The following DMD variants were observed in gnomAD, a reference collection of about 807,000 sequenced individuals.
The protein encoded by DMD is dystrophin, also known as mutant dystrophin.
Under a neutral mutation model 330.1 loss-of-function variants are expected in DMD, and 63 were observed. The ratio of observed to expected loss-of-function variants is 0.19; its 90% CI spans 0.16 to 0.24. DMD has a LOEUF of 0.24. Among genes scored for constraint, DMD ranks in the 10% least tolerant of loss-of-function variants. DMD has a pLI of 1.00. For missense variants in DMD, 3,344 were observed against 2,684.1 expected, an observed-to-expected ratio of 1.25 and a Z score of -5.43; for synonymous variants, 1,223 against 959.8, an observed-to-expected ratio of 1.27 and a Z score of -5.07.
At chrX:31,822,744 G>A (rs2092801669) in intron 49 of DMD, among the ~76,000 whole-genome samples, 1 of 105,249 alleles carries the variant, frequency 9.5e-6, no homozygotes, top group African/African-American at 3.5e-5. Context: ...GCTGGTAAAC[G>A]ACGAAGAGAA....
intron 30 of DMD, among the ~76,000 whole-genome samples, chrX:32,404,355 G>A (rs1029126111): frequency 8.4e-4 from 94 of 111,396 alleles, no homozygotes; most frequent in African/African-American, 2.9e-3. Context: ...GCAAACCACG[G>A]CAGTATTTTT....
chrX:32,435,353 C>T (rs1207398864), intron 29 of DMD, among the ~76,000 whole-genome samples: 2 of 101,563 alleles, frequency 2.0e-5, no homozygotes, highest in Non-Finnish European at 4.0e-5. Flanking sequence ...TCTAGAATAT[C>T]ATCTAGTCAA....
At chrX:31,638,037 A>T (rs1277011597) in intron 54 of DMD, among the ~76,000 whole-genome samples, 2 of 111,781 alleles carry the variant, frequency 1.8e-5, no homozygotes, top group African/African-American at 6.5e-5. Context: ...GCTGTCAATG[A>T]CTGAGTTTCT....
chrX:31,678,667 A>T (rs1241206489), intron 53 of DMD, among the ~76,000 whole-genome samples: 1 of 111,046 alleles, frequency 9.0e-6, no homozygotes, highest in East Asian at 2.8e-4. Flanking sequence ...AGTACTCCTT[A>T]TTCCTCCCCA....
At chrX:31,897,177 G>A (rs1335770821) in intron 47 of DMD, among the ~76,000 whole-genome samples, 2 of 110,455 alleles carry the variant, frequency 1.8e-5, no homozygotes, top group Admixed American at 1.9e-4. Flanking sequence ...GCGGTGTTTG[G>A]TTTTTTGTTC....
chrX:33,278,617 A>G (rs1463675197), intron 1 of DMD, among the ~76,000 whole-genome samples: 2 of 111,752 alleles, frequency 1.8e-5, no homozygotes, highest in Non-Finnish European at 1.9e-5. Context: ...CATCTTTGCT[A>G]TTGTGAACAG....
At chrX:31,222,945 G>A (rs2046248392) in intron 64 of DMD, 102 bp downstream of exon 64, 1 of 685,314 alleles carries the variant, frequency 1.5e-6, no homozygotes. Flanking sequence ...CAGGAATTGT[G>A]ACAGCTGTTT....
intron 44 of DMD, among the ~76,000 whole-genome samples, chrX:31,983,639 A>G (rs993702660): frequency 5.4e-5 from 6 of 111,762 alleles, no homozygotes; most frequent in Non-Finnish European, 1.1e-4. Context: ...CTTTTCTGGC[A>G]TGATCTTCTG....
rs1383701636 is a variant in DMD, at chrX:32,887,770, A to AAAAAAAAAC, written c.94-37951_94-37950insGTTTTTTTT. Among the ~76,000 whole-genome samples, 377 of 70,317 alleles carry AAAAAAAAAC rather than the reference A, an allele frequency of 5.4e-3. 32 individuals are homozygous for AAAAAAAAAC. The highest frequency in any genetic ancestry group is 8.0e-3 in the Non-Finnish European group (276 of 34,609). The allele number at this position is 70,317 out of a possible 115,157, so 61.1% of individuals were successfully genotyped here. A position where few individuals can be genotyped will look rare whatever the true frequency, so the allele number is the denominator to read the frequency against. On this transcript the variant is annotated intron_variant, in intron 2 of 78. Coordinates refer to ENST00000357033, the MANE Select transcript of DMD (RefSeq NM_004006.3). ...CAAAAAAAAAAAAAAAAAAAAAAAA[A>AAAAAAAAAC]AAAAAACATCAACTAAAAGCTTATG...
chrX:31,670,914 CTTT>C (rs751198197), intron 53 of DMD, among the ~76,000 whole-genome samples: 3 of 96,647 alleles, frequency 3.1e-5, no homozygotes, highest in Admixed American at 1.1e-4. Context: ...ACAAAACCTT[CTTT>C]TTTTTTTTTT....
intron 2 of DMD, among the ~76,000 whole-genome samples, chrX:33,001,784 A>G (rs1278696463): frequency 8.9e-6 from 1 of 111,859 alleles, no homozygotes; most frequent in Admixed American, 9.5e-5. Flanking sequence ...AGACAGTTTC[A>G]GTACTTCTGA....
chrX:31,147,526 C>T lies in DMD; in HGVS notation c.10554-8G>A, dbSNP rs2147936613. On this transcript the variant is annotated splice_polypyrimidine_tract_variant and splice_region_variant and intron_variant, in intron 74 of 78. Transcript: ENST00000357033. ...TATTCTGCTTGCAGATTCCTATTGG[C>T]ATCAAAAAAGTAAAAAAGAAAAAAA... 9 of 1,125,481 alleles carry T rather than the reference C, an allele frequency of 8.0e-6. No individual in the cohort carries two copies. Among genetic ancestry groups the T allele is most frequent in the Non-Finnish European group, 1.1e-5 (9 of 844,133 alleles). The allele number at this position is 1,125,481 out of a possible 1,213,427, so 92.8% of individuals were successfully genotyped here. A position where few individuals can be genotyped will look rare whatever the true frequency, so the allele number is the denominator to read the frequency against.
intron 63 of DMD, among the ~76,000 whole-genome samples, chrX:31,256,559 T>TA (rs397806748): frequency 1.1e-4 from 12 of 111,707 alleles, no homozygotes; most frequent in Non-Finnish European, 2.1e-4. Context: ...TATTGTTTTT[T>TA]ATCTATTTTT....
At chrX:32,807,851 A>T (rs777335287) in intron 7 of DMD, among the ~76,000 whole-genome samples, 1 of 112,040 alleles carries the variant, frequency 8.9e-6, no homozygotes, top group South Asian at 3.7e-4. Context: ...ATCTATTTTT[A>T]AATCTTCTCT....
chrX:31,931,982 T>A, intron 46 of DMD, 98 bp downstream of exon 46: 3 of 1,001,469 alleles, frequency 3.0e-6, no homozygotes, highest in Non-Finnish European at 4.2e-6. Flanking sequence ...GAACTATGAA[T>A]AACCTAATGG....
intron 62 of DMD, among the ~76,000 whole-genome samples, chrX:31,298,299 C>T (rs771551947): frequency 9.0e-6 from 1 of 111,114 alleles, no homozygotes; most frequent in South Asian, 3.9e-4. Context: ...GCTGGTAGGT[C>T]AATATGGTGC....
At chrX:32,476,849 A>G (rs1366972876) in intron 21 of DMD, among the ~76,000 whole-genome samples, 3 of 111,710 alleles carry the variant, frequency 2.7e-5, no homozygotes, top group South Asian at 3.7e-4. Context: ...GACCAGCTCC[A>G]TCTACGGAAA....
Position 31,821,003 on chromosome X carries a change from C to A in DMD, c.7201-920G>T, listed in dbSNP as rs757727397. Among the ~76,000 whole-genome samples, 4 of 112,828 alleles carry A rather than the reference C, an allele frequency of 3.5e-5. No individual in the cohort carries two copies. In the South Asian group the frequency reaches 1.5e-3, roughly 41 times the overall value. On this transcript the variant is annotated intron_variant, in intron 49 of 78. Transcript: ENST00000357033. ...CCTGAGCTGGTTCCACTTCACTGGG[C>A]AGCTAGCTATACGATAATTTATAGC...
At chrX:32,287,121 T>G (rs1389264742) in intron 43 of DMD, among the ~76,000 whole-genome samples, 2 of 111,317 alleles carry the variant, frequency 1.8e-5, no homozygotes, top group Admixed American at 9.6e-5. Flanking sequence ...AAAATATAAA[T>G]AAATGAAAAT....
Sources: allele counts gnomAD v4.1 joint callset (sites outside exome capture counted in the v4.1 genomes callset), GRCh38; gene constraint gnomAD v4.1.1; transcripts MANE v1.5; gene names NCBI Gene and HGNC (gene_info 2026-07-23, HGNC 2026-07-21).